Variants in FGF13 observed in about 807,000 individuals in gnomAD.
FGF13 encodes the protein fibroblast growth factor 13, also known as fibroblast growth factor homologous factor 2.
FGF13 carries 2 observed loss-of-function variants against 19.5 expected under a neutral mutation model. That is an observed-to-expected ratio of 0.10 (90% CI 0.04 to 0.32). The LOEUF (loss-of-function observed/expected upper bound fraction) is 0.32. Among genes scored for constraint, FGF13 ranks in the 10% least tolerant of loss-of-function variants. The pLI, the probability that FGF13 is intolerant of heterozygous loss-of-function variation, is 1.00. For synonymous variants in FGF13, 72 were observed against 76.9 expected, an observed-to-expected ratio of 0.94 and a Z score of 0.33; for missense variants, 113 against 192.7, an observed-to-expected ratio of 0.59 and a Z score of 2.45.
At chrX:139,203,918 C>A, upstream of FGF13, 2 of 586,024 alleles carry the variant, frequency 3.4e-6, no homozygotes, top group Non-Finnish European at 5.6e-6. Flanking sequence ...CTCTGCCCCC[C>A]CTTTTCTCCC....
chrX:138,768,400 G>A (rs1171606597), intron 3 of FGF13, among the ~76,000 whole-genome samples: 1 of 110,322 alleles, frequency 9.1e-6, no homozygotes, highest in Non-Finnish European at 1.9e-5. Context: ...TTAGGATAGA[G>A]GTTACCCTTA....
In FGF13 at chrX:139,016,674, C is replaced by G. The variant is rs776286232; in HGVS notation, c.-112-152024G>C. Among the ~76,000 whole-genome samples, 6 of 111,728 alleles carry G rather than the reference C, an allele frequency of 5.4e-5. No individual in the cohort carries two copies. The South Asian group carries it at 2.3e-3, about 42-fold the overall frequency. ...TTCAGCATTTGGCTCCACAACAGTA[C>G]TTGAGATGACAGTCTGTGAGGTGCC... On this transcript the variant is annotated intron_variant, in intron 1 of 2. Coordinates refer to the FGF13 transcript ENST00000421460.
At chrX:138,772,377 G>A (rs765060611) in intron 3 of FGF13, among the ~76,000 whole-genome samples, 37 of 108,544 alleles carry the variant, frequency 3.4e-4, no homozygotes, top group Non-Finnish European at 6.5e-4. Flanking sequence ...ATGTGCTTAT[G>A]TGTTATGTCC....
intron 1 of FGF13, among the ~76,000 whole-genome samples, chrX:138,872,545 A>C: frequency 8.9e-6 from 1 of 112,178 alleles, no homozygotes; most frequent in East Asian, 2.8e-4. Context: ...TCTACTCCTT[A>C]TTGAATAAGC....
chrX:138,932,936 T>C (rs2091711847), intron 1 of FGF13, among the ~76,000 whole-genome samples: 1 of 111,051 alleles, frequency 9.0e-6, no homozygotes, highest in Non-Finnish European at 1.9e-5. Flanking sequence ...AGGACCAGTG[T>C]TAGTTGTCTA....
intron 1 of FGF13, among the ~76,000 whole-genome samples, chrX:139,064,281 C>CTCTT (rs2092346619): frequency 4.3e-5 from 1 of 23,161 alleles, no homozygotes; most frequent in African/African-American, 2.2e-4. Context: ...CTTTTTTTTT[C>CTCTT]TTTTTTTTTT....
At chrX:138,773,928 C>T (rs902209606) in intron 3 of FGF13, among the ~76,000 whole-genome samples, 12 of 111,308 alleles carry the variant, frequency 1.1e-4, no homozygotes, top group Non-Finnish European at 1.1e-4. Flanking sequence ...CAAATATACA[C>T]GTGAATAGAT....
intron 3 of FGF13, among the ~76,000 whole-genome samples, chrX:138,827,201 T>C (rs1294840006): frequency 8.9e-6 from 1 of 112,071 alleles, no homozygotes; most frequent in African/African-American, 3.2e-5. Context: ...TCTGCGGTGC[T>C]GTGGCTGGAT....
At chrX:139,158,047 T>C (rs2083993252) in intron 1 of FGF13, among the ~76,000 whole-genome samples, 1 of 111,620 alleles carries the variant, frequency 9.0e-6, no homozygotes. Flanking sequence ...CCTGAAGGAA[T>C]GTGCCATGCG....
At chrX:138,732,264 T>C (rs2090237724) in intron 1 of FGF13, among the ~76,000 whole-genome samples, 1 of 111,836 alleles carries the variant, frequency 8.9e-6, no homozygotes. Flanking sequence ...ATAAAAACAT[T>C]TGTCCACAAA....
At chrX:138,707,151 C>T (rs964284085) in intron 2 of FGF13, among the ~76,000 whole-genome samples, 1 of 111,403 alleles carries the variant, frequency 9.0e-6, no homozygotes, top group African/African-American at 3.3e-5. Context: ...GAAATGGAGC[C>T]TTGATATATG....
intron 3 of FGF13, among the ~76,000 whole-genome samples, chrX:138,779,352 T>C (rs779785238): frequency 1.9e-3 from 217 of 111,551 alleles, no homozygotes; most frequent in African/African-American, 6.4e-3. Flanking sequence ...AGGCTTCAGA[T>C]GATCAAACTA....
intron 1 of FGF13, among the ~76,000 whole-genome samples, chrX:138,885,839 G>A (rs1398815248): frequency 3.6e-5 from 4 of 109,817 alleles, no homozygotes; most frequent in African/African-American, 1.3e-4. Context: ...TTAAATATGT[G>A]TTAAATAGAT....
intron 1 of FGF13, among the ~76,000 whole-genome samples, chrX:138,720,530 T>A (rs1041712692): frequency 8.9e-6 from 1 of 111,859 alleles, no homozygotes; most frequent in Non-Finnish European, 1.9e-5. Flanking sequence ...TGACTGTCCC[T>A]GGCCTCAAGT....
chrX:138,934,082 G>C lies in FGF13; in HGVS notation c.-112-69432C>G, dbSNP rs765117787. 7.1e-5 allele frequency among the ~76,000 whole-genome samples: 8 copies of C among 112,074 alleles called. No individual in the cohort carries two copies. The South Asian group carries it at 1.1e-3, about 16-fold the overall frequency. On this transcript the variant is annotated intron_variant, in intron 1 of 2. Transcript: ENST00000421460. ...AAAATAGGTTACTTAGAATTTCGGT[G>C]TAACCTCTTTTGCTTTAACTTTCAA...
At chrX:138,811,672 A>T (rs2090926794) in intron 3 of FGF13, among the ~76,000 whole-genome samples, 1 of 111,153 alleles carries the variant, frequency 9.0e-6, no homozygotes, top group Non-Finnish European at 1.9e-5. Flanking sequence ...GACACTGTAT[A>T]GTAATTAACT....
intron 1 of FGF13, among the ~76,000 whole-genome samples, chrX:139,158,511 G>A (rs1050292038): frequency 9.9e-5 from 11 of 111,154 alleles, no homozygotes; most frequent in Admixed American, 3.8e-4. Context: ...CAAACTGGGC[G>A]GAGCCAGGTA....
At chrX:138,729,367 A>T (rs752107887) in intron 1 of FGF13, among the ~76,000 whole-genome samples, 1 of 111,567 alleles carries the variant, frequency 9.0e-6, no homozygotes, top group African/African-American at 3.2e-5. Context: ...TAAAATGTAG[A>T]ATGTCAGAGA....
intron 1 of FGF13, among the ~76,000 whole-genome samples, chrX:138,888,651 C>T (rs756320385): frequency 4.1e-4 from 45 of 109,101 alleles, no homozygotes; most frequent in African/African-American, 1.3e-3. Context: ...CAAGTTACTG[C>T]CATTTTTCCT....
Sources: gnomAD v4.1 joint callset for allele counts (sites outside exome capture counted in the v4.1 genomes callset) on GRCh38, gnomAD v4.1.1 for gene constraint, MANE v1.5 for transcripts, NCBI Gene and HGNC (gene_info 2026-07-23, HGNC 2026-07-21) for gene names.